The following COL13A1 variants were observed in gnomAD, a reference collection of about 807,000 sequenced individuals.
COL13A1 encodes the protein collagen alpha-1(XIII) chain.
Under a neutral mutation model 130.9 loss-of-function variants are expected in COL13A1, and 89 were observed. The observed-to-expected ratio is 0.68, with a 90% CI of 0.57 to 0.81. The LOEUF is 0.81. Ranked by LOEUF, COL13A1 falls within the 30% of genes least tolerant of loss-of-function variation. The pLI is 0.00. For synonymous variants in COL13A1, 402 were observed against 341.6 expected (o/e 1.18, Z -1.95); for missense variants, 879 against 934.6 (o/e 0.94, Z 0.78).
At chr10:69,862,918 A>G (rs1234663568) in intron 2 of COL13A1, among the ~76,000 whole-genome samples, 1 of 152,206 alleles carries the variant, frequency 6.6e-6, no homozygotes, top group Non-Finnish European at 1.5e-5. Context: ...TAGATGAATA[A>G]CAGACAAATT....
intron 1 of COL13A1, among the ~76,000 whole-genome samples, chr10:69,805,468 G>T (rs1841316415): frequency 6.6e-6 from 1 of 152,146 alleles, no homozygotes; most frequent in Non-Finnish European, 1.5e-5. Flanking sequence ...ACACCCTAGG[G>T]TTGGGCTGTC....
intron 2 of COL13A1, among the ~76,000 whole-genome samples, chr10:69,862,818 A>G (rs548232751): frequency 3.9e-4 from 60 of 152,328 alleles, no homozygotes; most frequent in Non-Finnish European, 6.9e-4. Context: ...TAGAGTGGGA[A>G]CAATAACCAA....
chr10:69,864,968 G>T (rs1419299359), intron 2 of COL13A1, among the ~76,000 whole-genome samples: 1 of 152,216 alleles, frequency 6.6e-6, no homozygotes, highest in Non-Finnish European at 1.5e-5. Context: ...CAAGAAACAG[G>T]TTCCTCCTGA....
At chr10:69,900,257 T>G (rs992828620) in intron 14 of COL13A1, among the ~76,000 whole-genome samples, 2 of 152,214 alleles carry the variant, frequency 1.3e-5, no homozygotes, top group African/African-American at 4.8e-5. Context: ...GTGTATCAGC[T>G]GTTCTTTTTT....
chr10:69,912,081 C>T (rs1000961550), intron 17 of COL13A1, among the ~76,000 whole-genome samples: 2 of 152,188 alleles, frequency 1.3e-5, no homozygotes, highest in Admixed American at 1.3e-4. Flanking sequence ...GATAAGAAAA[C>T]TAAGATCTGG....
chr10:69,848,657 C>T (rs1026915471), intron 2 of COL13A1, among the ~76,000 whole-genome samples: 1 of 152,266 alleles, frequency 6.6e-6, no homozygotes, highest in African/African-American at 2.4e-5. Context: ...TCGCCTGACT[C>T]ACCTGCCTTC....
At chr10:69,810,864 G>T (rs1296688432) in intron 1 of COL13A1, among the ~76,000 whole-genome samples, 1 of 152,236 alleles carries the variant, frequency 6.6e-6, no homozygotes, top group Non-Finnish European at 1.5e-5. Flanking sequence ...TCCTTGCAGA[G>T]ATGCTGTCTG....
chr10:69,915,670 C>G (rs1454138071), intron 17 of COL13A1, among the ~76,000 whole-genome samples: 1 of 152,222 alleles, frequency 6.6e-6, no homozygotes, highest in Non-Finnish European at 1.5e-5. Context: ...GGCAGAGCCC[C>G]TCTCTACTCA....
intron 1 of COL13A1, among the ~76,000 whole-genome samples, chr10:69,803,545 A>G (rs1840633040): frequency 6.6e-6 from 1 of 150,498 alleles, no homozygotes; most frequent in African/African-American, 2.5e-5. Context: ...TCTGGACAGC[A>G]CAGGGGATTC....
intron 2 of COL13A1, among the ~76,000 whole-genome samples, chr10:69,861,235 C>G (rs938495948): frequency 6.6e-6 from 1 of 152,118 alleles, no homozygotes; most frequent in Non-Finnish European, 1.5e-5. Context: ...GACCAAGTGC[C>G]CCGCCAGGCT....
intron 2 of COL13A1, among the ~76,000 whole-genome samples, chr10:69,853,017 C>CA (rs1554898567): frequency 6.6e-6 from 1 of 151,254 alleles, no homozygotes; most frequent in African/African-American, 2.4e-5. Context: ...GGCGGGGGAG[C>CA]GGGGGGAGGT....
intron 2 of COL13A1, among the ~76,000 whole-genome samples, chr10:69,840,139 TG>T (rs1213073222): frequency 6.6e-6 from 1 of 151,914 alleles, no homozygotes; most frequent in African/African-American, 2.4e-5. Flanking sequence ...GGGTGAGAGA[TG>T]GAGAGAAACC....
intron 12 of COL13A1, 68 bp downstream of exon 12, chr10:69,894,769 T>C: frequency 1.3e-6 from 2 of 1,586,564 alleles, no homozygotes; most frequent in Admixed American, 1.7e-5. Context: ...TAGAAAGGGG[T>C]CAATTATGGT....
chr10:69,900,258 G>A (rs2135047064), intron 14 of COL13A1, among the ~76,000 whole-genome samples: 1 of 152,302 alleles, frequency 6.6e-6, no homozygotes, highest in South Asian at 2.1e-4. Flanking sequence ...TGTATCAGCT[G>A]TTCTTTTTTG....
intron 2 of COL13A1, among the ~76,000 whole-genome samples, chr10:69,832,081 T>C (rs1848952593): frequency 1.3e-5 from 2 of 152,252 alleles, no homozygotes; most frequent in Middle Eastern, 6.8e-3. Context: ...CATTCAGCCA[T>C]GTGAGGTCCC....
intron 2 of COL13A1, among the ~76,000 whole-genome samples, chr10:69,854,949 G>C (rs1331606530): frequency 6.6e-6 from 1 of 152,118 alleles, no homozygotes; most frequent in Non-Finnish European, 1.5e-5. Context: ...GAAATCGGAG[G>C]CTCCCCGTTC....
At chr10:69,914,115 C>G (rs1259442442) in intron 17 of COL13A1, among the ~76,000 whole-genome samples, 1 of 152,184 alleles carries the variant, frequency 6.6e-6, no homozygotes, top group Non-Finnish European at 1.5e-5. Flanking sequence ...GGGTTTTGCT[C>G]TGCACAGTTT....
intron 23 of COL13A1, 72 bp downstream of exon 23, chr10:69,922,866 A>G: frequency 1.9e-6 from 2 of 1,042,108 alleles, no homozygotes; most frequent in Non-Finnish European, 2.7e-6. Flanking sequence ...GTTCTCGGGG[A>G]CTCTACGTCC....
At chr10:69,830,063 G>T (rs980148767) in intron 2 of COL13A1, among the ~76,000 whole-genome samples, 1 of 152,218 alleles carries the variant, frequency 6.6e-6, no homozygotes, top group Non-Finnish European at 1.5e-5. Context: ...AAGAGCCCTG[G>T]ACTGGGAATC....
Sources: allele counts gnomAD v4.1 joint callset (sites outside exome capture counted in the v4.1 genomes callset), GRCh38; gene constraint gnomAD v4.1.1; transcripts MANE v1.5; gene names NCBI Gene and HGNC (gene_info 2026-07-23, HGNC 2026-07-21).